Variants in RBM47 observed in about 807,000 individuals in gnomAD.
RBM47 encodes the protein RNA binding motif protein 47.
Under a neutral mutation model 47.1 loss-of-function variants are expected in RBM47, and 21 were observed. The ratio of observed to expected loss-of-function variants is 0.45; its 90% CI spans 0.32 to 0.64. RBM47 has a LOEUF of 0.64. RBM47 is among the 30% of genes least tolerant of loss of function. RBM47 has a pLI of 0.05. For synonymous variants in RBM47, 375 were observed against 361.7 expected (o/e 1.04, Z -0.42); for missense variants, 708 against 870.9 (o/e 0.81, Z 2.35).
At chr4:40,531,639 T>C (rs961312972) in intron 2 of RBM47, among the ~76,000 whole-genome samples, 2 of 148,498 alleles carry the variant, frequency 1.3e-5, no homozygotes, top group Non-Finnish European at 3.0e-5. Context: ...CCAGTAATGA[T>C]GTGTGTTTTT....
At chr4:40,477,139 C>T (rs1409271405) in intron 2 of RBM47, among the ~76,000 whole-genome samples, 3 of 152,076 alleles carry the variant, frequency 2.0e-5, no homozygotes, top group East Asian at 1.9e-4. Flanking sequence ...GCCAAGATGG[C>T]GCCACTGCAC....
At chr4:40,567,878 T>C (rs1250955975) in intron 1 of RBM47, among the ~76,000 whole-genome samples, 2 of 151,956 alleles carry the variant, frequency 1.3e-5, no homozygotes, top group Non-Finnish European at 2.9e-5. Context: ...TGTAGAGAGA[T>C]CTAAAATGAG....
intron 1 of RBM47, among the ~76,000 whole-genome samples, chr4:40,575,178 A>T (rs576645625): frequency 5.0e-4 from 76 of 152,330 alleles, no homozygotes; most frequent in African/African-American, 1.8e-3. Context: ...GAAACCCTAC[A>T]TTGAAGAATA....
intron 3 of RBM47, among the ~76,000 whole-genome samples, chr4:40,466,244 G>C (rs1717995017): frequency 6.7e-6 from 1 of 149,352 alleles, no homozygotes; most frequent in African/African-American, 2.5e-5. Context: ...CTCCACCCTG[G>C]GTAACAGAGT....
intron 1 of RBM47, among the ~76,000 whole-genome samples, chr4:40,573,994 A>C (rs1405450690): frequency 4.6e-5 from 7 of 152,232 alleles, no homozygotes; most frequent in Admixed American, 2.0e-4. Context: ...GCTATGGTGG[A>C]TCAGATGACC....
intron 2 of RBM47, among the ~76,000 whole-genome samples, chr4:40,530,081 G>A (rs1025508702): frequency 6.7e-5 from 10 of 149,080 alleles, no homozygotes; most frequent in Admixed American, 3.3e-4. Flanking sequence ...GATTACAGGC[G>A]TGTGCCACCA....
chr4:40,549,605 C>A (rs542999701), intron 1 of RBM47, among the ~76,000 whole-genome samples: 10 of 150,734 alleles, frequency 6.6e-5, no homozygotes, highest in Non-Finnish European at 1.2e-4. Flanking sequence ...TCACTGCAAC[C>A]TACGCCTCCC....
Position 40,438,288 on chromosome 4 carries a change from C to G in RBM47, c.606G>C (p.Glu202Asp), listed in dbSNP as rs762595332. Reference protein sequence around the residue: ...KNRGFAFVEYESHRAAAMARR... With the variant: ...KNRGFAFVEYDSHRAAAMARR... The stretch of plus-strand genomic sequence containing the variant: ...GAGCCATGGCAGCCGCGCGGTGGCT[C>G]TCGTACTCCACGAAGGCGAAGCCGC... Residue 202 changes from glutamate to aspartate, a missense_variant, in exon 4 of 7, where the codon GAG becomes GAC. Physicochemically the swap from Glu to Asp is conservative, Grantham distance 45. Transcript: ENST00000295971. 7 of 1,604,498 alleles carry G rather than the reference C, an allele frequency of 4.4e-6. No individual in the cohort carries two copies. The highest frequency in any genetic ancestry group is 1.1e-5 in the South Asian group (1 of 91,058).
chr4:40,525,581 A>G (rs1424365802), intron 2 of RBM47, among the ~76,000 whole-genome samples: 1 of 152,214 alleles, frequency 6.6e-6, no homozygotes, highest in East Asian at 1.9e-4. Context: ...GTGTATACAG[A>G]AGCCAGGGGC....
chr4:40,575,105 C>G (rs542782719), intron 1 of RBM47, among the ~76,000 whole-genome samples: 100 of 152,296 alleles, frequency 6.6e-4, no homozygotes, highest in African/African-American at 2.4e-3. Context: ...TACTGCTAAA[C>G]ATCCTATAAT....
chr4:40,540,132 T>C (rs58818937), intron 2 of RBM47, among the ~76,000 whole-genome samples: 4,408 of 152,208 alleles, frequency 0.029, 229 homozygotes, highest in African/African-American at 0.1. Flanking sequence ...ATCGCCACCA[T>C]CTAACTTCAG....
At chr4:40,516,471 G>A (rs1725595758) in intron 2 of RBM47, among the ~76,000 whole-genome samples, 1 of 151,646 alleles carries the variant, frequency 6.6e-6, no homozygotes, top group Admixed American at 6.6e-5. Flanking sequence ...TGTTGGCCAG[G>A]CTGGTCTCGA....
intron 1 of RBM47, among the ~76,000 whole-genome samples, chr4:40,555,980 C>G (rs1453985041): frequency 6.6e-6 from 1 of 152,024 alleles, no homozygotes; most frequent in African/African-American, 2.4e-5. Flanking sequence ...TGAACATCTT[C>G]CCCAGGAGCC....
chr4:40,435,710 G>C (rs78126965), intron 5 of RBM47, among the ~76,000 whole-genome samples: 10,216 of 152,110 alleles, frequency 0.067, 532 homozygotes, highest in Non-Finnish European at 0.092. Context: ...GACTTCAGAT[G>C]GTCGGGGCAG....
At chr4:40,477,405 C>T (rs1000471518) in intron 2 of RBM47, among the ~76,000 whole-genome samples, 4 of 152,158 alleles carry the variant, frequency 2.6e-5, no homozygotes, top group African/African-American at 9.7e-5. Flanking sequence ...TCGCTATGTT[C>T]TGGCTGAAGG....
chr4:40,460,119 C>A (rs1208316100), intron 3 of RBM47, among the ~76,000 whole-genome samples: 1 of 152,180 alleles, frequency 6.6e-6, no homozygotes, highest in Non-Finnish European at 1.5e-5. Flanking sequence ...GCCACACCAA[C>A]CCCTAATGGA....
At chr4:40,606,237 AATATT>A (rs896691538) in intron 1 of RBM47, among the ~76,000 whole-genome samples, 4 of 151,960 alleles carry the variant, frequency 2.6e-5, no homozygotes, top group African/African-American at 9.7e-5. Context: ...GAAAAAGAAA[AATATT>A]AAATGATGAT....
In RBM47 at chr4:40,473,429, A is replaced by C. The variant is rs142686596; in HGVS notation, c.-154-6730T>G. On this transcript the variant is annotated intron_variant, in intron 2 of 6. Transcript: ENST00000295971. ...TGTGCTATAACAAAAATGACAAATGATTCTATATGCATTATATATTACAGC... is the reference window on the plus strand; with the variant it reads ...TGTGCTATAACAAAAATGACAAATGCTTCTATATGCATTATATATTACAGC... 4.1e-3 allele frequency among the ~76,000 whole-genome samples: 621 copies of C among 152,344 alleles called. 32 individuals are homozygous for C. Among genetic ancestry groups the C allele is most frequent in the Admixed American group, 0.037 (565 of 15,292 alleles).
At chr4:40,594,061 AC>A in intron 1 of RBM47, among the ~76,000 whole-genome samples, 1 of 152,010 alleles carries the variant, frequency 6.6e-6, no homozygotes, top group East Asian at 1.9e-4. Flanking sequence ...CAAAAAACAA[AC>A]AAAAAAAAGA....
Sources: gnomAD v4.1 joint callset for allele counts (sites outside exome capture counted in the v4.1 genomes callset) on GRCh38, gnomAD v4.1.1 for gene constraint, MANE v1.5 for transcripts, NCBI Gene and HGNC (gene_info 2026-07-23, HGNC 2026-07-21) for gene names.